The following STK32B variants were observed in gnomAD, a reference collection of about 807,000 sequenced individuals.
STK32B encodes the protein serine/threonine kinase 32B.
Under a neutral mutation model 52.6 loss-of-function variants are expected in STK32B, and 43 were observed. The ratio of observed to expected loss-of-function variants is 0.82; its 90% CI spans 0.64 to 1.05. The LOEUF (loss-of-function observed/expected upper bound fraction) is 1.05, where lower values mean the gene tolerates loss of function less well. Ranked by LOEUF, STK32B falls within the 50% of genes least tolerant of loss-of-function variation. STK32B has a pLI of 0.00. For missense variants in STK32B, 621 were observed against 534.6 expected (o/e 1.16, Z -1.59); for synonymous variants, 238 against 204.3 (o/e 1.17, Z -1.41).
chr4:5,308,697 C>T (rs375863393), intron 3 of STK32B, among the ~76,000 whole-genome samples: 1 of 152,094 alleles, frequency 6.6e-6, no homozygotes, highest in African/African-American at 2.4e-5. Context: ...CAGTGCCTAA[C>T]GTGTAGTTGG....
intron 1 of STK32B, among the ~76,000 whole-genome samples, chr4:5,133,552 A>C: frequency 6.6e-6 from 1 of 152,250 alleles, no homozygotes; most frequent in Non-Finnish European, 1.5e-5. Context: ...GCAATGAACA[A>C]GACTGTGGCT....
At chr4:5,485,138 C>G (rs1294645409) in intron 11 of STK32B, among the ~76,000 whole-genome samples, 1 of 152,060 alleles carries the variant, frequency 6.6e-6, no homozygotes, top group African/African-American at 2.4e-5. Context: ...GTTGGCCTGT[C>G]TTGCTACACT....
At chr4:5,145,558 T>C (rs1716847837) in intron 2 of STK32B, among the ~76,000 whole-genome samples, 1 of 152,226 alleles carries the variant, frequency 6.6e-6, no homozygotes, top group African/African-American at 2.4e-5. Context: ...GAGTTGCCTG[T>C]TCTAAAATTT....
Position 5,429,458 on chromosome 4 carries a change from A to G in STK32B, c.562+12524A>G, listed in dbSNP as rs115208028. 4.0e-3 allele frequency among the ~76,000 whole-genome samples: 609 copies of G among 152,246 alleles called. 2 individuals carry two copies. Among genetic ancestry groups the G allele is most frequent in the African/African-American group, 0.014 (571 of 41,578 alleles). Reference sequence around the variant, plus strand: ...AGTTTTTATACCTCTTTAAAAAACAATATACATCTTCAATTAATCAGAAAA... The same window carrying G: ...AGTTTTTATACCTCTTTAAAAAACAGTATACATCTTCAATTAATCAGAAAA... On this transcript the variant is annotated intron_variant, in intron 6 of 11. Transcript: ENST00000282908.
intron 3 of STK32B, among the ~76,000 whole-genome samples, chr4:5,257,763 C>A (rs1726424012): frequency 6.6e-6 from 1 of 152,110 alleles, no homozygotes; most frequent in Admixed American, 6.6e-5. Context: ...GCCAACATGG[C>A]AAAACGCTGT....
chr4:5,173,842 C>G (rs1289609658), intron 3 of STK32B, among the ~76,000 whole-genome samples: 2 of 152,266 alleles, frequency 1.3e-5, no homozygotes, highest in East Asian at 1.9e-4. Context: ...GTGCTGAGTT[C>G]AATTCCTGGA....
Position 5,159,628 on chromosome 4 carries a change from TGA to T in STK32B, c.109-8670_109-8669del, listed in dbSNP as rs1161794552. 2.3e-3 allele frequency among the ~76,000 whole-genome samples: 257 copies of T among 112,878 alleles called. 30 individuals are homozygous for T. Among genetic ancestry groups the T allele is most frequent in the African/African-American group, 3.2e-3 (71 of 22,322 alleles). 74.1% of individuals were successfully genotyped at this position (112,878 alleles called of 152,430 possible). A position where few individuals can be genotyped will look rare whatever the true frequency, so the allele number is the denominator to read the frequency against. ...ATATATGAATATATATGAATATATA[TGA>T]ATATATATATGAATGTATATGAATA... On this transcript the variant is annotated intron_variant, in intron 2 of 11. Transcript: ENST00000282908.
intron 4 of STK32B, among the ~76,000 whole-genome samples, chr4:5,383,435 G>A (rs1170253656): frequency 1.3e-5 from 2 of 152,216 alleles, no homozygotes; most frequent in Non-Finnish European, 1.5e-5. Flanking sequence ...CTATGTGCCA[G>A]AGGTTGGCGA....
intron 3 of STK32B, among the ~76,000 whole-genome samples, chr4:5,264,430 T>C (rs1380624123): frequency 1.3e-5 from 2 of 152,158 alleles, no homozygotes; most frequent in Non-Finnish European, 2.9e-5. Flanking sequence ...AGTATTTATG[T>C]ATCTTCCTTT....
the STK32B span, among the ~76,000 whole-genome samples, chr4:5,034,048 G>C: frequency 6.6e-6 from 1 of 152,214 alleles, no homozygotes; most frequent in East Asian, 1.9e-4. Context: ...CTTTACAAAA[G>C]AAGAAGGAAA....
At chr4:5,381,215 G>A (rs181064445) in intron 4 of STK32B, among the ~76,000 whole-genome samples, 1 of 152,336 alleles carries the variant, frequency 6.6e-6, no homozygotes, top group Admixed American at 6.5e-5. Context: ...ACTGTGCTGT[G>A]ACCTTGGGTC....
At chr4:5,159,600 T>TATATATATGAATATATATGA (rs1283965387) in intron 2 of STK32B, among the ~76,000 whole-genome samples, 5 of 92,678 alleles carry the variant, frequency 5.4e-5, no homozygotes, top group East Asian at 5.5e-4. Context: ...TATATATGAA[T>TATATATATGAATATATATGA]ATATATATGA....
chr4:5,459,126 G>A (rs1716817017), intron 8 of STK32B, among the ~76,000 whole-genome samples: 1 of 152,200 alleles, frequency 6.6e-6, no homozygotes, highest in African/African-American at 2.4e-5. Context: ...CCTAAAGAGT[G>A]GCAGCCATGA....
At chr4:5,146,603 T>TAGGAC (rs1450838513) in intron 2 of STK32B, among the ~76,000 whole-genome samples, 5 of 152,308 alleles carry the variant, frequency 3.3e-5, no homozygotes, top group Admixed American at 6.5e-5. Context: ...GTCAGTCTCT[T>TAGGAC]ATGGCAACAC....
the STK32B span, among the ~76,000 whole-genome samples, chr4:5,024,754 C>T: frequency 6.6e-6 from 1 of 152,164 alleles, no homozygotes; most frequent in African/African-American, 2.4e-5. Flanking sequence ...TAGAGCAAGC[C>T]AGAGTATTGG....
intron 3 of STK32B, among the ~76,000 whole-genome samples, chr4:5,209,231 C>G (rs1194523876): frequency 6.6e-6 from 1 of 151,912 alleles, no homozygotes; most frequent in African/African-American, 2.4e-5. Flanking sequence ...TCTTTTTTTT[C>G]TTTCTTTTGA....
At chr4:5,371,453 G>A in intron 4 of STK32B, among the ~76,000 whole-genome samples, 1 of 152,190 alleles carries the variant, frequency 6.6e-6, no homozygotes, top group East Asian at 1.9e-4. Flanking sequence ...CGAGGATGAG[G>A]CCTAGGAGAA....
intron 3 of STK32B, among the ~76,000 whole-genome samples, chr4:5,168,994 G>A (rs945627836): frequency 2.6e-5 from 4 of 152,152 alleles, no homozygotes; most frequent in Admixed American, 2.0e-4. Context: ...ACATCCTGTT[G>A]GTGGTTCCCT....
intron 11 of STK32B, among the ~76,000 whole-genome samples, chr4:5,494,187 T>A: frequency 6.6e-6 from 1 of 152,150 alleles, no homozygotes; most frequent in Admixed American, 6.5e-5. Flanking sequence ...GGTGTTAAAG[T>A]CTCCCATTAT....
Sources: allele counts gnomAD v4.1 joint callset (sites outside exome capture counted in the v4.1 genomes callset), GRCh38; gene constraint gnomAD v4.1.1; transcripts MANE v1.5; gene names NCBI Gene and HGNC (gene_info 2026-07-23, HGNC 2026-07-21).